METTL15: variants seen among roughly 807,000 people sequenced by gnomAD.
METTL15 encodes methyltransferase 15, mitochondrial 12S rRNA N4-cytidine.
A neutral mutation model predicts 38.3 loss-of-function variants in METTL15; 34 were observed. The observed-to-expected ratio is 0.89, with a 90% confidence interval of 0.68 to 1.18. METTL15 has a LOEUF of 1.18. Among genes scored for constraint, METTL15 ranks in the 50% most tolerant of loss-of-function variants. The pLI is 0.00. For missense variants in METTL15, 438 were observed against 498.4 expected, an observed-to-expected ratio of 0.88 and a Z score of 1.15; for synonymous variants, 162 against 170.9, an observed-to-expected ratio of 0.95 and a Z score of 0.41.
chr11:28,396,176 A>C (rs1176557278), intron 5 of METTL15, among the ~76,000 whole-genome samples: 4 of 152,196 alleles, frequency 2.6e-5, no homozygotes, highest in African/African-American at 9.6e-5. Context: ...CCCTTTGCAA[A>C]CTGGCACAAG....
chr11:28,341,658 A>C (rs1849953852), intron 3 of METTL15, among the ~76,000 whole-genome samples: 2 of 152,234 alleles, frequency 1.3e-5, no homozygotes, highest in South Asian at 4.1e-4. Flanking sequence ...TAAATAGGGT[A>C]TGCACAAAGT....
At chr11:28,180,867 G>A in intron 3 of METTL15, among the ~76,000 whole-genome samples, 1 of 151,782 alleles carries the variant, frequency 6.6e-6, no homozygotes, top group East Asian at 1.9e-4. Flanking sequence ...CTGCCATTAA[G>A]TGTTTGTTAT....
intron 5 of METTL15, among the ~76,000 whole-genome samples, chr11:28,371,685 G>A (rs1850244590): frequency 6.6e-6 from 1 of 151,970 alleles, no homozygotes; most frequent in South Asian, 2.1e-4. Flanking sequence ...GTCATTTATA[G>A]TTTACTTTGT....
intron 5 of METTL15, among the ~76,000 whole-genome samples, chr11:28,372,478 A>G (rs2133376478): frequency 6.9e-6 from 1 of 144,928 alleles, no homozygotes; most frequent in Non-Finnish European, 1.5e-5. Context: ...TCTCCATGCC[A>G]ATACATGTTA....
intron 5 of METTL15, among the ~76,000 whole-genome samples, chr11:28,394,046 G>T (rs1254177632): frequency 6.6e-6 from 1 of 152,030 alleles, no homozygotes; most frequent in Non-Finnish European, 1.5e-5. Flanking sequence ...CTTTTTATGT[G>T]TCTGACTTTT....
intron 3 of METTL15, among the ~76,000 whole-genome samples, chr11:28,130,043 C>T (rs1411304402): frequency 6.6e-6 from 1 of 152,076 alleles, no homozygotes; most frequent in Non-Finnish European, 1.5e-5. Context: ...GGCATGGTGG[C>T]TCACGCATAT....
At chr11:28,248,982 T>C (rs1477878598) in intron 4 of METTL15, among the ~76,000 whole-genome samples, 1 of 152,018 alleles carries the variant, frequency 6.6e-6, no homozygotes, top group Non-Finnish European at 1.5e-5. Flanking sequence ...TTTTACTTTC[T>C]TCATTTAAAC....
chr11:28,429,524 C>G lies in METTL15; in HGVS notation c.*424+5160C>G, dbSNP rs758989469. 3.3e-5 allele frequency among the ~76,000 whole-genome samples: 4 copies of G among 121,580 alleles called. No individual in the cohort carries two copies. In the South Asian group the frequency reaches 1.3e-3, roughly 41 times the overall value. The allele number at this position is 121,580 out of a possible 152,430, so 79.8% of individuals were successfully genotyped here. On this transcript the variant is annotated intron_variant and NMD_transcript_variant, in intron 6 of 7. Coordinates refer to the METTL15 transcript ENST00000532947. ...CTGCGATTGCAGGCACGCGCCGCCA[C>G]GCCTGACTGGTTTTGGTGGAGACGG...
intron 4 of METTL15, chr11:28,261,641 A>G (rs1489856174): frequency 2.0e-5 from 3 of 152,192 alleles, no homozygotes; most frequent in African/African-American, 7.2e-5. Flanking sequence ...TTTATATTTT[A>G]TACCACCCGT....
intron 3 of METTL15, among the ~76,000 whole-genome samples, chr11:28,169,026 A>G (rs1248633932): frequency 6.6e-6 from 1 of 152,178 alleles, no homozygotes; most frequent in Non-Finnish European, 1.5e-5. Context: ...GAAATAGAAG[A>G]GAGACATGCC....
chr11:28,201,284 T>G (rs1257199248), intron 3 of METTL15, among the ~76,000 whole-genome samples: 2 of 152,152 alleles, frequency 1.3e-5, no homozygotes, highest in Admixed American at 6.5e-5. Flanking sequence ...GCTGCTGGAT[T>G]TGGTTTGCCA....
intron 6 of METTL15, among the ~76,000 whole-genome samples, chr11:28,471,458 G>C (rs1851302357): frequency 6.6e-6 from 1 of 152,072 alleles, no homozygotes; most frequent in African/African-American, 2.4e-5. Context: ...TTTGTGATCT[G>C]AATCAATAGA....
intron 3 of METTL15, among the ~76,000 whole-genome samples, chr11:28,123,295 A>G (rs1228597934): frequency 6.6e-6 from 1 of 151,980 alleles, no homozygotes; most frequent in Admixed American, 6.6e-5. Flanking sequence ...GTCTTTTCCC[A>G]TTGTTCCCCT....
chr11:28,166,570 G>A (rs948800817), intron 3 of METTL15, among the ~76,000 whole-genome samples: 3 of 152,098 alleles, frequency 2.0e-5, no homozygotes, highest in Admixed American at 6.6e-5. Context: ...GAGAACTTAC[G>A]TTCTGGTTCA....
chr11:28,179,834 A>G (rs1851218871), intron 3 of METTL15, among the ~76,000 whole-genome samples: 1 of 151,826 alleles, frequency 6.6e-6, no homozygotes, highest in Admixed American at 6.6e-5. Flanking sequence ...AAGCAGTGTT[A>G]TGAAGTGGTT....
At chr11:28,312,839 T>A (rs1008421917) in intron 6 of METTL15, among the ~76,000 whole-genome samples, 2 of 152,116 alleles carry the variant, frequency 1.3e-5, no homozygotes, top group Non-Finnish European at 2.9e-5. Flanking sequence ...ACTCCTGAGA[T>A]GGTAGCATTC....
At chr11:28,368,375 T>A (rs1367263569) in intron 5 of METTL15, among the ~76,000 whole-genome samples, 1 of 152,162 alleles carries the variant, frequency 6.6e-6, no homozygotes, top group East Asian at 1.9e-4. Flanking sequence ...AGAAGACATT[T>A]ATGCAGCCAA....
intron 6 of METTL15, among the ~76,000 whole-genome samples, chr11:28,429,295 A>ACTT (rs1850891118): frequency 6.6e-6 from 1 of 152,124 alleles, no homozygotes; most frequent in Non-Finnish European, 1.5e-5. Flanking sequence ...GTCAAGAGTA[A>ACTT]CTTGAAATAT....
chr11:28,338,267 A>G (rs1050712781), downstream of METTL15, among the ~76,000 whole-genome samples: 12 of 151,922 alleles, frequency 7.9e-5, no homozygotes, highest in African/African-American at 2.9e-4. Flanking sequence ...TTCTTTCATA[A>G]TTTGATTTCT....
Sources: allele counts gnomAD v4.1 joint callset (sites outside exome capture counted in the v4.1 genomes callset), GRCh38; gene constraint gnomAD v4.1.1; transcripts MANE v1.5; gene names NCBI Gene and HGNC (gene_info 2026-07-23, HGNC 2026-07-21).